The following A1CF variants were observed in gnomAD, a reference collection of about 807,000 sequenced individuals.
The protein encoded by A1CF is APOBEC1 complementation factor.
A neutral mutation model predicts 68.9 loss-of-function variants in A1CF; 48 were observed. That is an observed-to-expected ratio of 0.70 (90% CI 0.55 to 0.89). The LOEUF (loss-of-function observed/expected upper bound fraction) is 0.89. Among genes scored for constraint, A1CF ranks in the 40% least tolerant of loss-of-function variants. A1CF has a pLI of 0.00. For synonymous variants in A1CF, 272 were observed against 260.4 expected (o/e 1.04, Z -0.43); for missense variants, 653 against 718.9 (o/e 0.91, Z 1.05).
At chr10:50,873,196 T>C (rs1841356386) in intron 1 of A1CF, among the ~76,000 whole-genome samples, 1 of 152,132 alleles carries the variant, frequency 6.6e-6, no homozygotes, top group South Asian at 2.1e-4. Flanking sequence ...CCTCCAGTGA[T>C]TCACTCACCT....
intron 1 of A1CF, among the ~76,000 whole-genome samples, chr10:50,878,882 C>A (rs992207351): frequency 6.6e-6 from 1 of 152,124 alleles, no homozygotes; most frequent in African/African-American, 2.4e-5. Flanking sequence ...TAACAAAATT[C>A]TTTAATAAGT....
At chr10:50,861,378 C>G (rs1215508987) in intron 2 of A1CF, among the ~76,000 whole-genome samples, 2 of 149,338 alleles carry the variant, frequency 1.3e-5, no homozygotes, top group Non-Finnish European at 3.0e-5. Flanking sequence ...AATTGCAGCA[C>G]TAGTAGTAAT....
In A1CF at chr10:50,841,790, A is replaced by C. The variant is rs1354147471; in HGVS notation, c.365+72T>G. On this transcript the variant is annotated intron_variant, in intron 5 of 12. Transcript: ENST00000373997. The stretch of plus-strand genomic sequence containing the variant: ...TTTTTTTTGGCATACACCATATTAG[A>C]TAAACTTGATAGAAAAACAGACACA... 15 of 1,575,476 alleles carry C rather than the reference A, an allele frequency of 9.5e-6. No homozygotes were observed. The East Asian group carries it at 2.7e-4, about 28-fold the overall frequency.
At chr10:50,814,945 C>T (rs1838295191) in intron 9 of A1CF, among the ~76,000 whole-genome samples, 1 of 152,120 alleles carries the variant, frequency 6.6e-6, no homozygotes, top group African/African-American at 2.4e-5. Context: ...ATTTGCATTA[C>T]AATTTTGGGG....
At chr10:50,854,030 G>C (rs1366792644) in intron 3 of A1CF, among the ~76,000 whole-genome samples, 4 of 151,814 alleles carry the variant, frequency 2.6e-5, no homozygotes, top group Non-Finnish European at 5.9e-5. Flanking sequence ...TGAACCTAGG[G>C]ACCTATCACC....
rs754917415 is a variant in A1CF at position 50,803,269 on chromosome 10, G to T, written c.*3460C>A. The T allele has an allele frequency of 0.029, 3,971 of 137,240 alleles. 70 individuals are homozygous for T. Among genetic ancestry groups the T allele is most frequent in the Non-Finnish European group, 0.046 (2,867 of 62,724 alleles). The allele number at this position is 137,240 out of a possible 1,614,324, so 8.5% of individuals were successfully genotyped here. On this transcript the variant is annotated 3_prime_UTR_variant, in exon 13 of 13. Transcript: ENST00000373997. Reference sequence around the variant, plus strand: ...ACAACTGGCCAATTAAATTAAATTTGTTTTTTTTTTTTTTGTAGAGGCGGA... The same window carrying T: ...ACAACTGGCCAATTAAATTAAATTTTTTTTTTTTTTTTTTGTAGAGGCGGA...
Position 50,806,650 on chromosome 10 carries a change from G to T in A1CF, c.*79C>A. ...GAAACATATTATTTATGATCATTGGGGACCGAGTTAGAGGTTTATTTCTTT... is the reference window on the plus strand; with the variant it reads ...GAAACATATTATTTATGATCATTGGTGACCGAGTTAGAGGTTTATTTCTTT... On this transcript the variant is annotated 3_prime_UTR_variant, in exon 13 of 13. Transcript: ENST00000373997. 7.5e-7 allele frequency: 1 copy of T among 1,331,628 alleles called. No individual in the cohort carries two copies. The highest frequency in any genetic ancestry group is 2.5e-5 in the East Asian group (1 of 40,342). 82.5% of individuals were successfully genotyped at this position (1,331,628 alleles called of 1,614,324 possible). A position where few individuals can be genotyped will look rare whatever the true frequency, so the allele number is the denominator to read the frequency against.
intron 1 of A1CF, among the ~76,000 whole-genome samples, chr10:50,869,697 A>G (rs1212848021): frequency 1.3e-5 from 2 of 152,134 alleles, no homozygotes; most frequent in African/African-American, 4.8e-5. Context: ...ATAATAATTT[A>G]GACAGATACT....
At chr10:50,866,413 T>G (rs1430354966) in intron 1 of A1CF, among the ~76,000 whole-genome samples, 1 of 152,180 alleles carries the variant, frequency 6.6e-6, no homozygotes, top group African/African-American at 2.4e-5. Flanking sequence ...TTGGAATGAA[T>G]AGCTCACCTC....
chr10:50,849,855 G>A (rs1237160957), intron 3 of A1CF, among the ~76,000 whole-genome samples: 1 of 140,644 alleles, frequency 7.1e-6, no homozygotes, highest in African/African-American at 2.6e-5. Flanking sequence ...GTGCAGTGGC[G>A]CAATCTCAGC....
At chr10:50,820,078 A>C (rs985058791) in intron 8 of A1CF, among the ~76,000 whole-genome samples, 18 of 152,202 alleles carry the variant, frequency 1.2e-4, no homozygotes, top group African/African-American at 4.1e-4. Flanking sequence ...AGTAGTGAGG[A>C]TATAGAAGCT....
chr10:50,872,687 G>A (rs780634994), intron 1 of A1CF, among the ~76,000 whole-genome samples: 24 of 152,008 alleles, frequency 1.6e-4, no homozygotes, highest in Non-Finnish European at 3.4e-4. Flanking sequence ...CCTCTTTGCC[G>A]GAATGAAAGT....
intron 3 of A1CF, among the ~76,000 whole-genome samples, chr10:50,858,222 A>G (rs567259632): frequency 6.6e-6 from 1 of 152,244 alleles, no homozygotes; most frequent in South Asian, 2.1e-4. Flanking sequence ...TAACATCAAT[A>G]TGAAAAAAAT....
chr10:50,799,600 A>G lies in A1CF; in HGVS notation c.*7129T>C, dbSNP rs903389313. ...TGAATGGTGTAATTTTACTTAATAT[A>G]TTTAGATAGATCACAAAGTTCTATA... On this transcript the variant is annotated 3_prime_UTR_variant, in exon 13 of 13. Coordinates refer to ENST00000373997, the MANE Select transcript of A1CF (RefSeq NM_014576.4). 3 of 152,150 alleles carry G rather than the reference A, an allele frequency of 2.0e-5. No individual in the cohort carries two copies. The highest frequency in any genetic ancestry group is 4.4e-5 in the Non-Finnish European group (3 of 67,990). The allele number at this position is 152,150 out of a possible 1,614,324, so 9.4% of individuals were successfully genotyped here.
intron 12 of A1CF, among the ~76,000 whole-genome samples, chr10:50,808,671 C>A (rs1398492329): frequency 6.6e-6 from 1 of 152,154 alleles, no homozygotes; most frequent in Non-Finnish European, 1.5e-5. Flanking sequence ...CAGAGCATCT[C>A]CATGTTCTTA....
chr10:50,820,658 T>C lies in A1CF; in HGVS notation c.770-9A>G. 6.2e-7 allele frequency: 1 copy of C among 1,609,878 alleles called. No individual in the cohort carries two copies. Among genetic ancestry groups the C allele is most frequent in the Non-Finnish European group, 8.5e-7 (1 of 1,177,920 alleles). On this transcript the variant is annotated splice_polypyrimidine_tract_variant and intron_variant, in intron 7 of 12. Coordinates refer to ENST00000373997, the MANE Select transcript of A1CF (RefSeq NM_014576.4). ...CACCCTCTCCACAGCACCTGTAAAATAGAGTGAAGGTTGCCCCATTAACAA... is the reference window on the plus strand; with the variant it reads ...CACCCTCTCCACAGCACCTGTAAAACAGAGTGAAGGTTGCCCCATTAACAA...
intron 10 of A1CF, among the ~76,000 whole-genome samples, chr10:50,812,608 G>GT (rs894767303): frequency 1.3e-5 from 2 of 152,126 alleles, no homozygotes; most frequent in Admixed American, 6.5e-5. Context: ...CTTTAATCAG[G>GT]TTTTTTGTTT....
intron 1 of A1CF, among the ~76,000 whole-genome samples, chr10:50,876,132 T>G (rs1053910382): frequency 6.6e-6 from 1 of 152,250 alleles, no homozygotes; most frequent in Non-Finnish European, 1.5e-5. Context: ...CAAATTCATG[T>G]CTATTCCATC....
At chr10:50,808,082 T>C (rs1389461139) in intron 12 of A1CF, among the ~76,000 whole-genome samples, 1 of 152,242 alleles carries the variant, frequency 6.6e-6, no homozygotes, top group Non-Finnish European at 1.5e-5. Flanking sequence ...AAGTGAGTAA[T>C]GTAACTGTGT....
Sources: gnomAD v4.1 joint callset for allele counts (sites outside exome capture counted in the v4.1 genomes callset) on GRCh38, gnomAD v4.1.1 for gene constraint, MANE v1.5 for transcripts, NCBI Gene and HGNC (gene_info 2026-07-23, HGNC 2026-07-21) for gene names.